The following POLI variants were observed in gnomAD, a reference collection of about 807,000 sequenced individuals.
The protein encoded by POLI is RAD30 homolog B.
Under a neutral mutation model 51.6 loss-of-function variants are expected in POLI, and 58 were observed. The ratio of observed to expected loss-of-function variants is 1.12; its 90% CI spans 0.91 to 1.40. The LOEUF is 1.40. Ranked by LOEUF, POLI falls within the 40% of genes most tolerant of loss-of-function variation. POLI has a pLI of 0.00. For missense variants in POLI, 921 were observed against 871.3 expected, an observed-to-expected ratio of 1.06 and a Z score of -0.72; for synonymous variants, 322 against 299.7, an observed-to-expected ratio of 1.07 and a Z score of -0.77.
chr18:54,278,687 A>G (rs573856845), intron 4 of POLI, among the ~76,000 whole-genome samples: 49 of 152,350 alleles, frequency 3.2e-4, no homozygotes, highest in Middle Eastern at 6.8e-3. Context: ...TGAATGACTG[A>G]TGGTGTTTCC....
intron 3 of POLI, among the ~76,000 whole-genome samples, chr18:54,312,027 T>G (rs576118978): frequency 1.3e-5 from 2 of 152,304 alleles, no homozygotes; most frequent in South Asian, 4.1e-4. Flanking sequence ...TGCTGATATT[T>G]GGAGTACAAA....
In POLI at chr18:54,282,988, C is replaced by G; in HGVS notation, c.948C>G (p.Ser316=). 1.2e-6 allele frequency: 2 copies of G among 1,608,810 alleles called. No individual in the cohort carries two copies. The highest frequency in any genetic ancestry group is 8.5e-7 in the Non-Finnish European group (1 of 1,176,562). ...IQKLSFGEDN[S]PVILSGPPQS... is the part of the protein sequence containing the mutation. ...AGCTCAGTTTTGGAGAGGATAACTC[C>G]CCTGTGATACTCTCAGGACCACCTC... The change falls in exon 6 of 10, where the codon TCC becomes TCG. Residue 316 remains serine (S), a synonymous_variant. Coordinates refer to ENST00000579534, the MANE Select transcript of POLI (RefSeq NM_007195.3).
At chr18:54,317,842 G>A (rs895824907) in intron 3 of POLI, among the ~76,000 whole-genome samples, 2 of 152,158 alleles carry the variant, frequency 1.3e-5, no homozygotes, top group Non-Finnish European at 2.9e-5. Flanking sequence ...TCAAGCCTGG[G>A]CGACAGGCTT....
intron 8 of POLI, among the ~76,000 whole-genome samples, chr18:54,289,287 T>G (rs565541123): frequency 6.6e-6 from 1 of 151,622 alleles, no homozygotes; most frequent in East Asian, 1.9e-4. Flanking sequence ...GGTTAGCCAG[T>G]GATTGGCAAA....
At chr18:54,292,823 C>T (rs1464405577) in intron 9 of POLI, among the ~76,000 whole-genome samples, 1 of 151,890 alleles carries the variant, frequency 6.6e-6, no homozygotes, top group Non-Finnish European at 1.5e-5. Context: ...CTTCTTATTC[C>T]ATTTATTAAA....
chr18:54,293,452 A>G (rs1296780885), intron 9 of POLI, among the ~76,000 whole-genome samples, 197 bp from the exon 10 acceptor site: 1 of 149,802 alleles, frequency 6.7e-6, no homozygotes, highest in Admixed American at 6.6e-5. Context: ...CTCTTCCTGG[A>G]ATAGTGGGTA....
intron 7 of POLI, chr18:54,284,214 T>C (rs926268192): frequency 4.9e-6 from 2 of 404,260 alleles, no homozygotes; most frequent in South Asian, 4.7e-5. Flanking sequence ...ATTGAATTCA[T>C]TGGTCTTAAT....
chr18:54,293,736 A>G lies in POLI; in HGVS notation c.1492A>G (p.Arg498Gly), dbSNP rs775732957. The G allele has an allele frequency of 1.9e-6, 3 of 1,605,038 alleles. No homozygotes were observed. The highest frequency in any genetic ancestry group is 2.7e-5 in the African/African-American group (2 of 74,664). ...ACCAAGTGGAAGAATTGAAAGTACAAGAACTAGGGAGTCTCCACTAGATAC... is the reference window on the plus strand; with the variant it reads ...ACCAAGTGGAAGAATTGAAAGTACAGGAACTAGGGAGTCTCCACTAGATAC... Reference protein sequence around the residue: ...FLPSGRIESTRTRESPLDTTN... With the variant: ...FLPSGRIESTGTRESPLDTTN... Residue 498 changes from arginine (R) to glycine (G), a missense_variant, in exon 10 of 10, where the codon AGA (arginine) becomes GGA (glycine). By Grantham distance (125) the Arg-to-Gly change is moderately radical (BLOSUM62 -2). Coordinates refer to ENST00000579534, the MANE Select transcript of POLI (RefSeq NM_007195.3).
In POLI at chr18:54,291,955, C is replaced by G; in HGVS notation, c.1321C>G (p.Leu441Val). 2 of 1,610,144 alleles carry G rather than the reference C, an allele frequency of 1.2e-6. No homozygotes were observed. The highest frequency in any genetic ancestry group is 1.7e-6 in the Non-Finnish European group (2 of 1,176,976). The change falls in exon 9 of 10, where the codon CTA becomes GTA. Residue 441 changes from leucine to valine, a missense_variant. By Grantham distance (32) the Leu-to-Val change is conservative (BLOSUM62 1). Coordinates refer to ENST00000579534, the MANE Select transcript of POLI (RefSeq NM_007195.3). ...LSVCFCNLKA[L>V]NTAKKGLIDY... ...TGTGTGCTTCTGCAACCTTAAAGCA[C>G]TAAATACTGCTAAGAAAGGGCTTAT...
intron 4 of POLI, among the ~76,000 whole-genome samples, chr18:54,320,567 C>CT (rs2088778357): frequency 6.6e-6 from 1 of 152,060 alleles, no homozygotes; most frequent in Non-Finnish European, 1.5e-5. Context: ...TAAAAGTAGG[C>CT]TTTTTGCTGG....
At chr18:54,319,405 G>A (rs2088769207) in intron 3 of POLI, among the ~76,000 whole-genome samples, 1 of 152,002 alleles carries the variant, frequency 6.6e-6, no homozygotes, top group South Asian at 2.1e-4. Context: ...ATGGGGCATG[G>A]GGCATAAATA....
At chr18:54,316,591 G>T (rs990615291) in intron 3 of POLI, among the ~76,000 whole-genome samples, 3 of 152,092 alleles carry the variant, frequency 2.0e-5, no homozygotes, top group Admixed American at 6.6e-5. Context: ...ATAGATAATA[G>T]CTATAAAAGT....
At chr18:54,301,400 A>G (rs2088487918), downstream of POLI, among the ~76,000 whole-genome samples, 1 of 152,242 alleles carries the variant, frequency 6.6e-6, no homozygotes, top group Non-Finnish European at 1.5e-5. Flanking sequence ...AAAAGTCCAC[A>G]CAACAGCAAA....
downstream of POLI, among the ~76,000 whole-genome samples, chr18:54,298,588 C>CTTTTTTTTT (rs145052748): frequency 4.4e-5 from 5 of 114,906 alleles, no homozygotes; most frequent in African/African-American, 7.3e-5. Context: ...ACTACAGAAT[C>CTTTTTTTTT]TTTTTTTTTT....
At chr18:54,293,215 T>G (rs2088111154) in intron 9 of POLI, among the ~76,000 whole-genome samples, 1 of 151,970 alleles carries the variant, frequency 6.6e-6, no homozygotes, top group Non-Finnish European at 1.5e-5. Flanking sequence ...ATAGGCTTTT[T>G]TTTTCTTTTT....
rs889480990 is a variant in POLI at position 54,295,238 on chromosome 18, T to C, written c.*771T>C. 61 of 985,274 alleles carry C rather than the reference T, an allele frequency of 6.2e-5. No homozygotes were observed. Among genetic ancestry groups the C allele is most frequent in the Admixed American group, 1.2e-4 (2 of 16,262 alleles). The allele number at this position is 985,274 out of a possible 1,614,324, so 61.0% of individuals were successfully genotyped here. On this transcript the variant is annotated 3_prime_UTR_variant, in exon 10 of 10. Coordinates refer to ENST00000579534, the MANE Select transcript of POLI (RefSeq NM_007195.3). Reference sequence around the variant, plus strand: ...ATAATGGAAGAAGTCCATTTCTTTCTAGCTAGTTTGAAGGGCCTAAAAGCA... The same window carrying C: ...ATAATGGAAGAAGTCCATTTCTTTCCAGCTAGTTTGAAGGGCCTAAAAGCA...
At chr18:54,274,429 C>T (rs895770165) in intron 3 of POLI, among the ~76,000 whole-genome samples, 11 of 151,904 alleles carry the variant, frequency 7.2e-5, no homozygotes, top group East Asian at 5.8e-4. Context: ...AAATGAATTA[C>T]GAAGAAATAT....
chr18:54,300,159 T>A (rs1392372982), downstream of POLI, among the ~76,000 whole-genome samples: 1 of 152,032 alleles, frequency 6.6e-6, no homozygotes, highest in African/African-American at 2.4e-5. Context: ...ACCAGAAATA[T>A]GAGTATATTT....
downstream of POLI, among the ~76,000 whole-genome samples, chr18:54,298,588 C>CTT (rs145052748): frequency 2.3e-3 from 259 of 114,878 alleles, 2 homozygotes; most frequent in African/African-American, 8.3e-3. Flanking sequence ...ACTACAGAAT[C>CTT]TTTTTTTTTT....
Sources: gnomAD v4.1 joint callset for allele counts (sites outside exome capture counted in the v4.1 genomes callset) on GRCh38, gnomAD v4.1.1 for gene constraint, MANE v1.5 for transcripts, NCBI Gene and HGNC (gene_info 2026-07-23, HGNC 2026-07-21) for gene names.